Variants in MBD1 observed in about 807,000 individuals in gnomAD.
MBD1 encodes methyl-CpG binding domain protein 1.
MBD1 carries 25 observed loss-of-function variants against 82.6 expected under a neutral mutation model. The ratio of observed to expected loss-of-function variants is 0.30; its 90% CI spans 0.22 to 0.42. MBD1 has a LOEUF of 0.42. Ranked by LOEUF, MBD1 falls within the 10% of genes least tolerant of loss-of-function variation. MBD1 has a pLI of 1.00. For synonymous variants in MBD1, 301 were observed against 303.7 expected (o/e 0.99, Z 0.09); for missense variants, 627 against 819.6 (o/e 0.76, Z 2.87).
intron 16 of MBD1, chr18:50,271,228 A>G (rs776105721): frequency 7.4e-5 from 102 of 1,370,058 alleles, no homozygotes; most frequent in Non-Finnish European, 7.1e-5. Context: ...CCCACCCTTA[A>G]AATCCAACTT....
At chr18:50,267,847 T>C (rs2034096531), downstream of MBD1, among the ~76,000 whole-genome samples, 1 of 152,260 alleles carries the variant, frequency 6.6e-6, no homozygotes, top group African/African-American at 2.4e-5. Context: ...TAATCATTTG[T>C]AAACCACCCA....
At chr18:50,281,263 C>T (rs966874792) in intron 1 of MBD1, 100 bp downstream of exon 1, 1 of 1,511,356 alleles carries the variant, frequency 6.6e-7, no homozygotes, top group African/African-American at 1.4e-5. Context: ...CCCTTATCGG[C>T]CTGAGGGCCC....
rs1478969807 is a variant in MBD1 at position 50,275,024 on chromosome 18, A to AG, written c.930dup (p.Ser311LeufsTer84). On this transcript the variant is annotated frameshift_variant, in exon 10 of 17. Transcript: ENST00000269468. LOFTEE classifies it high-confidence loss of function. ...TAATAGATGAACTCGGCAGGTGGCG[A>AG]GGGGGCCAGGGCTCTGGGGTGCTGT... 6.2e-7 allele frequency: 1 copy of AG among 1,614,054 alleles called. No homozygotes were observed. The highest frequency in any genetic ancestry group is 1.3e-5 in the African/African-American group (1 of 75,020).
chr18:50,276,590 C>T, intron 5 of MBD1, 72 bp downstream of exon 5: 1 of 1,559,300 alleles, frequency 6.4e-7, no homozygotes. Context: ...ACATTCAAAC[C>T]CCAGCCTAGC....
chr18:50,274,496 A>G (rs1186482840), intron 10 of MBD1, 143 bp from the exon 11 acceptor site: 9 of 851,562 alleles, frequency 1.1e-5, no homozygotes, highest in Non-Finnish European at 1.6e-5. Context: ...CTGACTCCCC[A>G]CTAGTCACTC....
chr18:50,274,623 T>TAGC (rs894763983), intron 10 of MBD1, among the ~76,000 whole-genome samples: 53 of 152,298 alleles, frequency 3.5e-4, no homozygotes, highest in African/African-American at 1.2e-3. Context: ...AGGCCACCAC[T>TAGC]AGCTACCAAG....
At position 50,277,153 on chromosome 18, in the gene MBD1, G is replaced by A. The variant is rs2038252768; in HGVS notation, c.162C>T (p.Gly54=). ...CGAAGAGGGTGAGATCACACGCAGG[G>A]CCCAGGTATCGAGTCAGCTCAACTT... The part of the protein sequence containing the change: ...RSKVELTRYL[G]PACDLTLFDF... Residue 54 remains glycine (G), a synonymous_variant, in exon 3 of 17, where the codon GGC becomes GGT. Transcript: ENST00000269468. 6.2e-7 allele frequency: 1 copy of A among 1,614,066 alleles called. No homozygotes were observed. Among genetic ancestry groups the A allele is most frequent in the African/African-American group, 1.3e-5 (1 of 74,924 alleles).
chr18:50,274,554 GC>G (rs753543528), intron 10 of MBD1, among the ~76,000 whole-genome samples: 3 of 152,116 alleles, frequency 2.0e-5, no homozygotes, highest in Non-Finnish European at 2.9e-5. Context: ...GTGCCAGCTG[GC>G]CCTCGATACC....
At chr18:50,274,927 C>G (rs1568223605) in intron 10 of MBD1, 50 bp downstream of exon 10, 1 of 1,593,106 alleles carries the variant, frequency 6.3e-7, no homozygotes, top group South Asian at 1.1e-5. Context: ...TTGAAGTTAA[C>G]CAAGCGTCCT....
At chr18:50,271,355 G>C in intron 16 of MBD1, 114 bp downstream of exon 16, 1 of 1,592,350 alleles carries the variant, frequency 6.3e-7, no homozygotes, top group South Asian at 1.1e-5. Context: ...TTCTGGTTTG[G>C]TAGTAGGTTT....
At chr18:50,279,407 T>C (rs1179410548) in intron 2 of MBD1, among the ~76,000 whole-genome samples, 3 of 152,224 alleles carry the variant, frequency 2.0e-5, no homozygotes, top group Non-Finnish European at 4.4e-5. Flanking sequence ...GTAACTCAGA[T>C]AACCAGCAAA....
intron 6 of MBD1, 158 bp from the exon 7 acceptor site, chr18:50,276,139 G>A: frequency 4.1e-6 from 4 of 972,962 alleles, no homozygotes; most frequent in Non-Finnish European, 6.3e-6. Context: ...CCATCACTGA[G>A]GCCATTAGTA....
In MBD1 at chr18:50,269,484, T is replaced by C; in HGVS notation, c.*367A>G. The C allele has an allele frequency of 1.4e-6, 1 of 720,570 alleles. No homozygotes were observed. Among genetic ancestry groups the C allele is most frequent in the Non-Finnish European group, 2.5e-6 (1 of 402,922 alleles). 44.6% of individuals were successfully genotyped at this position (720,570 alleles called of 1,614,324 possible). A position where few individuals can be genotyped will look rare whatever the true frequency, so the allele number is the denominator to read the frequency against. On this transcript the variant is annotated 3_prime_UTR_variant, in exon 17 of 17. Transcript: ENST00000269468. Reference sequence around the variant, plus strand: ...AAGGTTGGTGCTGGGGCACCAGGCGTTGTTGCAGTTCACACGTTGCCATGT... The same window carrying C: ...AAGGTTGGTGCTGGGGCACCAGGCGCTGTTGCAGTTCACACGTTGCCATGT...
intron 16 of MBD1, chr18:50,270,068 G>C (rs372140893): frequency 1.9e-5 from 30 of 1,597,670 alleles, no homozygotes; most frequent in Non-Finnish European, 2.4e-5. Context: ...CAGAATACTG[G>C]GGTTGGGTGG....
intron 7 of MBD1, 52 bp from the exon 8 acceptor site, chr18:50,275,780 C>A: frequency 6.2e-7 from 1 of 1,614,118 alleles, no homozygotes; most frequent in Admixed American, 1.7e-5. Flanking sequence ...GGGCCAAGCC[C>A]ATGGGGGCCA....
In MBD1 at chr18:50,275,721, C is replaced by G; in HGVS notation, c.671G>C (p.Gly224Ala). ...RCLRIVERSR[G>A]CGVCRGCQTQ... ...CTGACAGCCCCGGCATACTCCACAC[C>G]CTCGGCTCTGTTGGCGGGGGGCAGG... Residue 224 changes from glycine (G) to alanine (A), a missense_variant, in exon 8 of 17, where the codon GGG becomes GCG. Physicochemically the swap from Gly to Ala is moderately conservative, Grantham distance 60. Coordinates refer to ENST00000269468, the MANE Select transcript of MBD1 (RefSeq NM_015846.4). 6.2e-7 allele frequency: 1 copy of G among 1,614,204 alleles called. No individual in the cohort carries two copies. Among genetic ancestry groups the G allele is most frequent in the Non-Finnish European group, 8.5e-7 (1 of 1,180,022 alleles).
Position 50,269,361 on chromosome 18 carries a change from TC to T in MBD1, c.*489del. The T allele has an allele frequency of 7.6e-7, 1 of 1,316,002 alleles. No individual in the cohort carries two copies. Among genetic ancestry groups the T allele is most frequent in the Non-Finnish European group, 9.9e-7 (1 of 1,012,652 alleles). 81.5% of individuals were successfully genotyped at this position (1,316,002 alleles called of 1,614,324 possible). ...TGTGTCACCTTGGTGAGGCTATGTT[TC>T]CCGGAACTCTCTTCCAGTAAGATGG... On this transcript the variant is annotated 3_prime_UTR_variant, in exon 17 of 17. Coordinates refer to ENST00000269468, the MANE Select transcript of MBD1 (RefSeq NM_015846.4).
At chr18:50,270,831 T>A (rs1859550834) in intron 16 of MBD1, 1 of 174,964 alleles carries the variant, frequency 5.7e-6, no homozygotes, top group African/African-American at 2.4e-5. Context: ...TGTTAGTGCA[T>A]ACAGGATTAC....
chr18:50,279,662 C>CTGT, intron 2 of MBD1: 1 of 577,760 alleles, frequency 1.7e-6, no homozygotes, highest in Non-Finnish European at 3.0e-6. Flanking sequence ...TTTCACTGCT[C>CTGT]TGTACGTATT....
Sources: allele counts gnomAD v4.1 joint callset (sites outside exome capture counted in the v4.1 genomes callset), GRCh38; gene constraint gnomAD v4.1.1; transcripts MANE v1.5; gene names NCBI Gene and HGNC (gene_info 2026-07-23, HGNC 2026-07-21).